Variants in WWC1 observed in about 807,000 individuals in gnomAD.
WWC1 encodes protein KIBRA.
Under a neutral mutation model 138.4 loss-of-function variants are expected in WWC1, and 55 were observed. The observed-to-expected ratio is 0.40, with a 90% CI of 0.32 to 0.50. The LOEUF (loss-of-function observed/expected upper bound fraction) is 0.50. Among genes scored for constraint, WWC1 ranks in the 20% least tolerant of loss-of-function variants. WWC1 has a pLI of 0.72. For missense variants in WWC1, 1,226 were observed against 1,420.4 expected (o/e 0.86, Z 2.20); for synonymous variants, 524 against 564.9 (o/e 0.93, Z 1.03).
At chr5:168,468,794 A>G (rs1478431046) in intron 22 of WWC1, among the ~76,000 whole-genome samples, 157 bp from the exon 23 acceptor site, 2 of 152,206 alleles carry the variant, frequency 1.3e-5, no homozygotes, top group African/African-American at 4.8e-5. Context: ...GAGGTCAAGG[A>G]TACAGCCAGC....
rs1247582688 is a variant in WWC1, at chr5:168,302,435, A to G, written c.119+10164A>G. Among the ~76,000 whole-genome samples, 28 of 152,194 alleles carry G rather than the reference A, an allele frequency of 1.8e-4. 1 individual carries two copies. The highest frequency in any genetic ancestry group is 1.5e-5 in the Non-Finnish European group (1 of 68,040). On this transcript the variant is annotated intron_variant, in intron 1 of 22. Transcript: ENST00000265293. ...AATAGTTAAATAGATAAATCGCATTATGACTGGGGGTTTGATGTTCTCTAG... is the reference window on the plus strand; with the variant it reads ...AATAGTTAAATAGATAAATCGCATTGTGACTGGGGGTTTGATGTTCTCTAG...
chr5:168,471,303 T>G lies in WWC1; in HGVS notation c.*2286T>G, dbSNP rs758809841. The G allele has an allele frequency of 1.8e-4, 27 of 152,310 alleles. No individual in the cohort carries two copies. The highest frequency in any genetic ancestry group is 1.0e-3 in the Admixed American group (16 of 15,282). The allele number at this position is 152,310 out of a possible 1,614,324, so 9.4% of individuals were successfully genotyped here. On this transcript the variant is annotated 3_prime_UTR_variant, in exon 23 of 23. Transcript: ENST00000265293. ...TTCTCACCACTGGCCCAGGGCTTCC[T>G]CCTGCCCCGTGGCTTCACGTCTCTG...
chr5:168,364,209 A>C (rs1776109742), intron 1 of WWC1, among the ~76,000 whole-genome samples: 2 of 152,054 alleles, frequency 1.3e-5, no homozygotes, highest in Admixed American at 1.3e-4. Flanking sequence ...GAAGAGGTGG[A>C]GCCTGGGTTT....
In WWC1 at chr5:168,423,082, G is replaced by T. The variant is rs1230811353; in HGVS notation, c.1275-451G>T. Among the ~76,000 whole-genome samples the T allele has an allele frequency of 1.8e-4, 26 of 144,838 alleles. No individual in the cohort carries two copies. In the Admixed American group the frequency reaches 1.8e-3, roughly 10 times the overall value. ...AATTGCTTAAACCCAGGAGGCGGAG[G>T]TTGCAGTGAGCCGAGATCGCCCCAC... On this transcript the variant is annotated intron_variant, in intron 10 of 22. Transcript: ENST00000265293.
At chr5:168,436,164 G>A (rs1358337711) in intron 15 of WWC1, among the ~76,000 whole-genome samples, 15 of 152,130 alleles carry the variant, frequency 9.9e-5, no homozygotes. Flanking sequence ...TTTGTACCGA[G>A]GGTGTGCTCT....
At chr5:168,447,093 T>A (rs1755345737) in intron 17 of WWC1, among the ~76,000 whole-genome samples, 1 of 152,198 alleles carries the variant, frequency 6.6e-6, no homozygotes, top group Non-Finnish European at 1.5e-5. Flanking sequence ...ATATCACAGC[T>A]GTAAACTTCC....
intron 4 of WWC1, among the ~76,000 whole-genome samples, chr5:168,399,182 C>T (rs948287402): frequency 7.9e-5 from 12 of 151,702 alleles, no homozygotes; most frequent in African/African-American, 2.2e-4. Context: ...GTTCACACAG[C>T]GAGGAAGTGG....
intron 7 of WWC1, 144 bp from the exon 8 acceptor site, chr5:168,409,778 C>T (rs2303000): frequency 0.033 from 25,756 of 770,756 alleles, 764 homozygotes; most frequent in East Asian, 0.13. Context: ...AGCTTCCCTG[C>T]GATCTGCACC....
chr5:168,423,557 G>A lies in WWC1; in HGVS notation c.1299G>A (p.Leu433=), dbSNP rs751730236. The A allele has an allele frequency of 1.5e-5, 24 of 1,613,334 alleles. No individual in the cohort carries two copies. The Admixed American group carries it at 3.8e-4, about 26-fold the overall frequency. The stretch of plus-strand genomic sequence containing the variant: ...GTCTCTCAAGCAGCATGCAGTCCCT[G>A]TCCTCAGGCAGCAGCCCCGGATCCC... ...LKSLSSSMQS[L]SSGSSPGSLT... is the part of the protein sequence containing the mutation. The change falls in exon 11 of 23, where the codon CTG becomes CTA. Residue 433 remains leucine (L), a synonymous_variant. Transcript: ENST00000265293.
intron 1 of WWC1, among the ~76,000 whole-genome samples, chr5:168,332,032 G>C (rs1172361619): frequency 6.6e-6 from 1 of 151,888 alleles, no homozygotes; most frequent in Non-Finnish European, 1.5e-5. Flanking sequence ...TATAATCCCA[G>C]TTACTTAGGA....
intron 3 of WWC1, among the ~76,000 whole-genome samples, chr5:168,385,776 C>T: frequency 6.6e-6 from 1 of 152,188 alleles, no homozygotes; most frequent in East Asian, 1.9e-4. Context: ...ATGTTCACAA[C>T]AGTGTAAATG....
chr5:168,339,743 G>A (rs891331826), intron 1 of WWC1, among the ~76,000 whole-genome samples: 10 of 152,176 alleles, frequency 6.6e-5, no homozygotes, highest in Non-Finnish European at 7.3e-5. Flanking sequence ...ACACTTGACA[G>A]ATAATAGTAC....
rs1259119558 is a variant in WWC1 at position 168,371,672 on chromosome 5, A to C, written c.229+139A>C. 4 of 582,858 alleles carry C rather than the reference A, an allele frequency of 6.9e-6. No homozygotes were observed. The Admixed American group carries it at 1.3e-4, about 18-fold the overall frequency. 36.1% of individuals were successfully genotyped at this position (582,858 alleles called of 1,614,324 possible). A position where few individuals can be genotyped will look rare whatever the true frequency, so the allele number is the denominator to read the frequency against. The stretch of plus-strand genomic sequence containing the variant: ...TTTTGTTTTATATAGATTTAGATAG[A>C]AATGTCGATGTAGATATAGATAGAT... On this transcript the variant is annotated intron_variant, in intron 2 of 22. Coordinates refer to ENST00000265293, the MANE Select transcript of WWC1 (RefSeq NM_015238.3).
intron 1 of WWC1, among the ~76,000 whole-genome samples, chr5:168,313,402 C>A (rs1055853766): frequency 1.3e-5 from 2 of 152,008 alleles, no homozygotes; most frequent in African/African-American, 4.8e-5. Context: ...ACCAGCCTGG[C>A]CAACATGGCG....
At chr5:168,400,252 T>A (rs1002208187) in intron 5 of WWC1, among the ~76,000 whole-genome samples, 1 of 152,000 alleles carries the variant, frequency 6.6e-6, no homozygotes, top group Admixed American at 6.5e-5. Context: ...GTCATGGGGG[T>A]TTGTTGTACA....
intron 15 of WWC1, among the ~76,000 whole-genome samples, chr5:168,438,634 G>A (rs1315571691): frequency 5.6e-5 from 4 of 71,870 alleles, no homozygotes; most frequent in African/African-American, 3.2e-4. Flanking sequence ...CCACCCATCA[G>A]CACAGAGTCT....
At chr5:168,393,875 A>G (rs969401459) in intron 3 of WWC1, among the ~76,000 whole-genome samples, 1 of 152,226 alleles carries the variant, frequency 6.6e-6, no homozygotes, top group African/African-American at 2.4e-5. Context: ...TGTGAGGTTG[A>G]ATTAGTGGTA....
intron 1 of WWC1, among the ~76,000 whole-genome samples, chr5:168,330,527 G>T (rs1241677630): frequency 2.6e-5 from 4 of 152,148 alleles, no homozygotes; most frequent in African/African-American, 9.7e-5. Context: ...GGTCACTATT[G>T]TTACCCCTAC....
chr5:168,291,889 GCTCGCACC>G lies in WWC1; in HGVS notation c.-263_-256del, dbSNP rs1214234692. 1.2e-5 allele frequency: 2 copies of G among 160,204 alleles called. No individual in the cohort carries two copies. The highest frequency in any genetic ancestry group is 1.3e-4 in the Admixed American group (2 of 15,126). 9.9% of individuals were successfully genotyped at this position (160,204 alleles called of 1,614,324 possible). On this transcript the variant is annotated 5_prime_UTR_variant, in exon 1 of 23. Transcript: ENST00000265293. ...CCCGGCCGGCTGGGCGCGCACCCGG[GCTCGCACC>G]GCGCCGCTGCGGACGCACATGGCAG...
Sources: allele counts gnomAD v4.1 joint callset (sites outside exome capture counted in the v4.1 genomes callset), GRCh38; gene constraint gnomAD v4.1.1; transcripts MANE v1.5; gene names NCBI Gene and HGNC (gene_info 2026-07-23, HGNC 2026-07-21).